Variants in STXBP6 observed in about 807,000 individuals in gnomAD.
STXBP6 encodes syntaxin binding protein 6.
A neutral mutation model predicts 26.9 loss-of-function variants in STXBP6; 21 were observed. That is an observed-to-expected ratio of 0.78 (90% CI 0.55 to 1.12). STXBP6 has a LOEUF of 1.12. STXBP6 is among the 50% of genes most tolerant of loss of function. The probability of loss-of-function intolerance (pLI) is 0.00; values close to 1 mark genes in which losing one functional copy is unlikely to be tolerated. For synonymous variants in STXBP6, 97 were observed against 92.6 expected (o/e 1.05, Z -0.27); for missense variants, 232 against 257.9 (o/e 0.90, Z 0.69).
At chr14:25,048,144 G>C (rs1300023686) in intron 1 of STXBP6, among the ~76,000 whole-genome samples, 1 of 152,234 alleles carries the variant, frequency 6.6e-6, no homozygotes, top group African/African-American at 2.4e-5. Context: ...ACAGAGAGGA[G>C]AGAAGACCTA....
chr14:24,871,502 G>A (rs555036721), intron 2 of STXBP6, among the ~76,000 whole-genome samples: 9 of 152,178 alleles, frequency 5.9e-5, no homozygotes, highest in Non-Finnish European at 8.8e-5. Flanking sequence ...TGTGCTGTAG[G>A]TCTTGCTTCA....
At chr14:24,853,957 G>C (rs1671078024) in intron 4 of STXBP6, among the ~76,000 whole-genome samples, 1 of 151,994 alleles carries the variant, frequency 6.6e-6, no homozygotes, top group African/African-American at 2.4e-5. Context: ...TATCAGTCTG[G>C]GATTTGAGTA....
At chr14:24,914,659 G>A (rs1468226104) in intron 2 of STXBP6, among the ~76,000 whole-genome samples, 1 of 152,122 alleles carries the variant, frequency 6.6e-6, no homozygotes, top group African/African-American at 2.4e-5. Flanking sequence ...TGTTACAGCT[G>A]TCTATTTTTT....
At chr14:25,038,866 T>A (rs569395566) in intron 1 of STXBP6, among the ~76,000 whole-genome samples, 1 of 151,942 alleles carries the variant, frequency 6.6e-6, no homozygotes, top group Non-Finnish European at 1.5e-5. Context: ...GGGGAGGAGA[T>A]GGAGGGACCA....
At chr14:24,996,136 G>A (rs2074594957) in intron 1 of STXBP6, among the ~76,000 whole-genome samples, 1 of 152,020 alleles carries the variant, frequency 6.6e-6, no homozygotes, top group Non-Finnish European at 1.5e-5. Flanking sequence ...ATAACTTCAT[G>A]GGTAAAAGTA....
intron 4 of STXBP6, among the ~76,000 whole-genome samples, chr14:24,821,513 T>C (rs540645737): frequency 2.6e-5 from 4 of 152,322 alleles, no homozygotes; most frequent in African/African-American, 9.6e-5. Flanking sequence ...AAAGATGACA[T>C]TGCTGACTAC....
At chr14:24,919,328 A>G (rs148731500) in intron 2 of STXBP6, among the ~76,000 whole-genome samples, 38 of 152,154 alleles carry the variant, frequency 2.5e-4, no homozygotes, top group African/African-American at 7.7e-4. Context: ...TAAGAAAGGG[A>G]AAATTATCCT....
chr14:25,017,923 G>A (rs1192164393), intron 1 of STXBP6, among the ~76,000 whole-genome samples: 1 of 152,140 alleles, frequency 6.6e-6, no homozygotes, highest in African/African-American at 2.4e-5. Context: ...TTCAGTAGTT[G>A]TTCTGTTTGC....
chr14:24,846,187 A>G (rs1477728460), intron 4 of STXBP6, among the ~76,000 whole-genome samples: 1 of 152,204 alleles, frequency 6.6e-6, no homozygotes, highest in Non-Finnish European at 1.5e-5. Context: ...AGACTGAACT[A>G]TCTTTCCCGC....
At chr14:24,848,560 T>C (rs958657782) in intron 4 of STXBP6, among the ~76,000 whole-genome samples, 7 of 152,228 alleles carry the variant, frequency 4.6e-5, no homozygotes, top group East Asian at 3.9e-4. Flanking sequence ...GTACAAAATT[T>C]TGATGAAGAG....
intron 2 of STXBP6, among the ~76,000 whole-genome samples, chr14:24,950,844 CAACCCGTCGCCT>C (rs2073144171): frequency 6.6e-6 from 1 of 152,114 alleles, no homozygotes; most frequent in Non-Finnish European, 1.5e-5. Flanking sequence ...CTGCACCCAT[CAACCCGTCGCCT>C]ACATTAGGTA....
chr14:24,990,620 T>C (rs1352163072), intron 1 of STXBP6, among the ~76,000 whole-genome samples: 1 of 136,326 alleles, frequency 7.3e-6, no homozygotes, highest in Admixed American at 8.0e-5. Context: ...ATCATGCCAT[T>C]GCACTCCAGC....
chr14:24,891,534 C>G (rs2070786759), intron 2 of STXBP6, among the ~76,000 whole-genome samples: 1 of 152,196 alleles, frequency 6.6e-6, no homozygotes, highest in Non-Finnish European at 1.5e-5. Flanking sequence ...GTCAGGAGAC[C>G]TGCCCGACCC....
rs2067860594 is a variant in STXBP6, at chr14:24,812,826, A to T, written c.610-94T>A. 5 of 1,220,536 alleles carry T rather than the reference A, an allele frequency of 4.1e-6. No homozygotes were observed. In the Admixed American group the frequency reaches 8.6e-5, roughly 21 times the overall value. 75.6% of individuals were successfully genotyped at this position (1,220,536 alleles called of 1,614,324 possible). On this transcript the variant is annotated intron_variant, in intron 5 of 5. Transcript: ENST00000323944. ...CTGCTCCCTCTCCACCTCCACAATG[A>T]GAAGCAGCACCAAGATTCTACTCTC...
At chr14:24,984,385 C>T (rs2074280319) in intron 1 of STXBP6, among the ~76,000 whole-genome samples, 1 of 152,104 alleles carries the variant, frequency 6.6e-6, no homozygotes, top group African/African-American at 2.4e-5. Context: ...TGTTATACTC[C>T]AACATGACGT....
At chr14:24,833,360 TAA>T (rs2068514196) in intron 4 of STXBP6, among the ~76,000 whole-genome samples, 1 of 152,236 alleles carries the variant, frequency 6.6e-6, no homozygotes, top group Non-Finnish European at 1.5e-5. Context: ...TGCATTTCTC[TAA>T]TGGAGCATTT....
At chr14:25,012,605 C>CA (rs2075056136) in intron 1 of STXBP6, among the ~76,000 whole-genome samples, 1 of 151,730 alleles carries the variant, frequency 6.6e-6, no homozygotes, top group Non-Finnish European at 1.5e-5. Flanking sequence ...GTCTCAAAAA[C>CA]AAAAAAACAA....
intron 1 of STXBP6, among the ~76,000 whole-genome samples, chr14:25,000,362 CTT>C (rs369019424): frequency 6.3e-5 from 9 of 142,954 alleles, no homozygotes; most frequent in South Asian, 2.2e-4. Context: ...CGTGCCTGGC[CTT>C]TTTTTTTTTT....
At chr14:25,014,876 T>C (rs752614502) in intron 1 of STXBP6, among the ~76,000 whole-genome samples, 1 of 152,228 alleles carries the variant, frequency 6.6e-6, no homozygotes, top group Admixed American at 6.5e-5. Context: ...ATAGGGAATA[T>C]GAGAATTTGA....
Sources: allele counts gnomAD v4.1 joint callset (sites outside exome capture counted in the v4.1 genomes callset), GRCh38; gene constraint gnomAD v4.1.1; transcripts MANE v1.5; gene names NCBI Gene and HGNC (gene_info 2026-07-23, HGNC 2026-07-21).